The following KAT14 variants were observed in gnomAD, a reference collection of about 807,000 sequenced individuals.
KAT14 encodes the protein cysteine-rich protein 2-binding protein.
In KAT14, 66 loss-of-function variants were observed where a neutral mutation model predicts 78.4. The ratio of observed to expected loss-of-function variants is 0.84; its 90% CI spans 0.69 to 1.03. KAT14 has a LOEUF of 1.03. Among genes scored for constraint, KAT14 ranks in the 50% least tolerant of loss-of-function variants. The pLI, the probability that KAT14 is intolerant of heterozygous loss-of-function variation, is 0.00. For missense variants in KAT14, 870 were observed against 972.5 expected (o/e 0.89, Z 1.40); for synonymous variants, 344 against 359.4 (o/e 0.96, Z 0.48).
At chr20:18,143,284 A>G in intron 2 of KAT14, 1 of 626,220 alleles carries the variant, frequency 1.6e-6, no homozygotes, top group Non-Finnish European at 2.1e-6. Context: ...TTACTTTGTT[A>G]ATATTTAACT....
rs748045482 is a variant in KAT14 at position 18,137,881 on chromosome 20, C to T, written c.-624C>T. On this transcript the variant is annotated 5_prime_UTR_variant, in exon 1 of 11. Transcript: ENST00000688188. ...AGGGGTCGAGCCTGGGCAGTACAGG[C>T]GGCGGTGCGCACTCTGCGGCGGCCT... 3 of 1,385,840 alleles carry T rather than the reference C, an allele frequency of 2.2e-6. No homozygotes were observed. Among genetic ancestry groups the T allele is most frequent in the South Asian group, 1.5e-5 (1 of 68,324 alleles). The allele number at this position is 1,385,840 out of a possible 1,614,324, so 85.8% of individuals were successfully genotyped here. A position where few individuals can be genotyped will look rare whatever the true frequency, so the allele number is the denominator to read the frequency against.
chr20:18,161,288 C>G (rs2038411529), intron 5 of KAT14, among the ~76,000 whole-genome samples: 1 of 152,074 alleles, frequency 6.6e-6, no homozygotes, highest in South Asian at 2.1e-4. Context: ...ACCTCCCAGG[C>G]TCAAAATCCA....
At chr20:18,145,154 T>A in intron 2 of KAT14, 79 bp from the exon 3 acceptor site, 1 of 1,507,062 alleles carries the variant, frequency 6.6e-7, no homozygotes, top group South Asian at 1.3e-5. Context: ...AAGGAAAATC[T>A]GGGTGATAAA....
chr20:18,184,877 T>TAC (rs1370139378), intron 10 of KAT14, 85 bp downstream of exon 10: 24 of 1,399,636 alleles, frequency 1.7e-5, no homozygotes, highest in Non-Finnish European at 2.3e-5. Flanking sequence ...AGCTAGCCCT[T>TAC]CCCAGCATGG....
Position 18,187,463 on chromosome 20 carries a change from G to T in KAT14, c.*4G>T. The T allele has an allele frequency of 3.7e-6, 6 of 1,613,788 alleles. No homozygotes were observed. Among genetic ancestry groups the T allele is most frequent in the Non-Finnish European group, 4.2e-6 (5 of 1,179,908 alleles). On this transcript the variant is annotated 3_prime_UTR_variant, in exon 11 of 11. Transcript: ENST00000688188. ...CTTTCTGAGGCTCCGGCGCTGATGCGAATACAGCTCACAGAGAAACGCATG... is the reference window on the plus strand; with the variant it reads ...CTTTCTGAGGCTCCGGCGCTGATGCTAATACAGCTCACAGAGAAACGCATG...
chr20:18,176,461 C>T (rs928073282), intron 7 of KAT14, among the ~76,000 whole-genome samples: 3 of 152,136 alleles, frequency 2.0e-5, no homozygotes, highest in African/African-American at 4.8e-5. Context: ...GCAGAGTGAA[C>T]GCGGGGACAG....
At position 18,146,775 on chromosome 20, in the gene KAT14, G is replaced by T. The variant is rs551467485; in HGVS notation, c.378+1424G>T. 4.6e-5 allele frequency among the ~76,000 whole-genome samples: 7 copies of T among 152,046 alleles called. No homozygotes were observed. In the South Asian group the frequency reaches 1.5e-3, roughly 32 times the overall value. On this transcript the variant is annotated intron_variant, in intron 3 of 10. Coordinates refer to ENST00000688188, the MANE Select transcript of KAT14 (RefSeq NM_001392073.1). ...TGGGAGGGTTGCTTGAGCCTGGGAG[G>T]TTGAGGCTGCAATGAGCTGTGATCG...
intron 4 of KAT14, among the ~76,000 whole-genome samples, chr20:18,156,151 T>C (rs1314070179): frequency 6.6e-6 from 1 of 152,160 alleles, no homozygotes; most frequent in East Asian, 1.9e-4. Flanking sequence ...AAACAAACAC[T>C]GTGTGATTCC....
chr20:18,150,698 C>T (rs2146374770), intron 3 of KAT14, 123 bp from the exon 4 acceptor site: 1 of 1,468,680 alleles, frequency 6.8e-7, no homozygotes, highest in African/African-American at 1.4e-5. Flanking sequence ...ACCGTCCGTC[C>T]TTTGTTCGCT....
intron 4 of KAT14, among the ~76,000 whole-genome samples, chr20:18,154,476 T>G (rs2038154221): frequency 6.6e-6 from 1 of 152,072 alleles, no homozygotes; most frequent in South Asian, 2.1e-4. Context: ...AATTGACCAG[T>G]ATTAACCGCA....
chr20:18,177,088 A>T (rs1237222137), intron 7 of KAT14, among the ~76,000 whole-genome samples: 1 of 152,222 alleles, frequency 6.6e-6, no homozygotes, highest in East Asian at 1.9e-4. Flanking sequence ...TTGCTGCATT[A>T]TAAACCACTC....
At chr20:18,179,754 C>T (rs1232189833) in intron 7 of KAT14, among the ~76,000 whole-genome samples, 3 of 152,168 alleles carry the variant, frequency 2.0e-5, no homozygotes, top group Non-Finnish European at 4.4e-5. Context: ...TTGACTTTCT[C>T]CTCAAAAAAT....
At chr20:18,138,081 C>T (rs1568660342) in intron 1 of KAT14, 30 bp downstream of exon 1, 2 of 1,443,672 alleles carry the variant, frequency 1.4e-6, no homozygotes, top group African/African-American at 1.5e-5. Flanking sequence ...CTCTTCCGGG[C>T]CCGCGCGCGC....
intron 1 of KAT14, among the ~76,000 whole-genome samples, chr20:18,138,893 A>G (rs2037411350): frequency 6.6e-6 from 1 of 152,220 alleles, no homozygotes; most frequent in East Asian, 1.9e-4. Flanking sequence ...AGAGTCTATC[A>G]GTGATTCACG....
intron 7 of KAT14, among the ~76,000 whole-genome samples, chr20:18,167,031 C>T (rs1166048930): frequency 1.3e-5 from 2 of 152,172 alleles, no homozygotes; most frequent in African/African-American, 4.8e-5. Context: ...CAGGTACTCA[C>T]ACCTCAGCCC....
intron 4 of KAT14, among the ~76,000 whole-genome samples, chr20:18,152,043 A>G (rs1461145331): frequency 6.6e-6 from 1 of 151,998 alleles, no homozygotes; most frequent in Non-Finnish European, 1.5e-5. Context: ...ACTGAACATG[A>G]CGTTTTTTGA....
At chr20:18,144,333 A>G (rs950055748) in intron 2 of KAT14, among the ~76,000 whole-genome samples, 1 of 152,186 alleles carries the variant, frequency 6.6e-6, no homozygotes. Context: ...ACAAATTTTA[A>G]GCTACCCTTT....
At position 18,143,000 on chromosome 20, in the gene KAT14, G is replaced by A. The variant is rs11906677; in HGVS notation, c.259+81G>A. ...TCCAACCTGTGAAAGAAACGTGAATGTAAAAGAGACCTAAATAAAAGGATA... is the reference window on the plus strand; with the variant it reads ...TCCAACCTGTGAAAGAAACGTGAATATAAAAGAGACCTAAATAAAAGGATA... On this transcript the variant is annotated intron_variant, in intron 2 of 10. Transcript: ENST00000688188. The A allele has an allele frequency of 1.8e-3, 2,724 of 1,538,174 alleles. 41 individuals carry two copies. The African/African-American group carries it at 0.032, about 18-fold the overall frequency.
At chr20:18,181,622 G>C (rs1324475191) in intron 7 of KAT14, 88 bp from the exon 8 acceptor site, 18 of 1,568,940 alleles carry the variant, frequency 1.1e-5, no homozygotes, top group Non-Finnish European at 1.6e-5. Context: ...GCCTACCTCA[G>C]CTTCCCAAAG....
Sources: gnomAD v4.1 joint callset for allele counts (sites outside exome capture counted in the v4.1 genomes callset) on GRCh38, gnomAD v4.1.1 for gene constraint, MANE v1.5 for transcripts, NCBI Gene and HGNC (gene_info 2026-07-23, HGNC 2026-07-21) for gene names.